The following PTPN4 variants were observed in gnomAD, a reference collection of about 807,000 sequenced individuals.
PTPN4 encodes protein tyrosine phosphatase non-receptor type 4.
In PTPN4, 49 loss-of-function variants were observed where a neutral mutation model predicts 135.5. The observed-to-expected ratio is 0.36, with a 90% CI of 0.29 to 0.46. The LOEUF (loss-of-function observed/expected upper bound fraction) is 0.46, where lower values mean the gene tolerates loss of function less well. PTPN4 is among the 20% of genes least tolerant of loss of function. The pLI is 1.00. For missense variants in PTPN4, 860 were observed against 1,101.0 expected (o/e 0.78, Z 3.10); for synonymous variants, 333 against 369.9 (o/e 0.90, Z 1.14).
At chr2:119,964,345 G>A (rs566234495) in intron 24 of PTPN4, among the ~76,000 whole-genome samples, 49 of 152,270 alleles carry the variant, frequency 3.2e-4, no homozygotes, top group African/African-American at 1.1e-3. Context: ...GAACCAAGAT[G>A]TATCTAAACG....
intron 2 of PTPN4, among the ~76,000 whole-genome samples, chr2:119,856,966 C>A (rs570345030): frequency 1.3e-5 from 2 of 152,042 alleles, no homozygotes; most frequent in East Asian, 3.9e-4. Flanking sequence ...GAGGTAGACA[C>A]GGCAAAAAGT....
chr2:119,962,506 C>A (rs944509507), intron 23 of PTPN4, 110 bp from the exon 24 acceptor site: 3 of 604,990 alleles, frequency 5.0e-6, no homozygotes, highest in Middle Eastern at 6.2e-4. Context: ...TTAAATTTTT[C>A]TTGTAACTTT....
At position 119,759,930 on chromosome 2, in the gene PTPN4, C is replaced by A; in HGVS notation, c.-472C>A. ...ACACACAAACGCTGCCCAGGATTACCCGCCAGCTCACGCCGCGCAGTGCGC... is the reference window on the plus strand; with the variant it reads ...ACACACAAACGCTGCCCAGGATTACACGCCAGCTCACGCCGCGCAGTGCGC... On this transcript the variant is annotated 5_prime_UTR_variant, in exon 1 of 27. Transcript: ENST00000263708. 5.6e-6 allele frequency: 2 copies of A among 355,312 alleles called. No homozygotes were observed. Among genetic ancestry groups the A allele is most frequent in the Non-Finnish European group, 1.0e-5 (2 of 198,816 alleles). The allele number at this position is 355,312 out of a possible 1,614,324, so 22.0% of individuals were successfully genotyped here. A position where few individuals can be genotyped will look rare whatever the true frequency, so the allele number is the denominator to read the frequency against.
intron 26 of PTPN4, among the ~76,000 whole-genome samples, chr2:119,975,216 T>C (rs763262569): frequency 1.3e-5 from 2 of 152,154 alleles, no homozygotes; most frequent in South Asian, 4.1e-4. Flanking sequence ...GGCTCAAATG[T>C]TCCTCCCATC....
intron 2 of PTPN4, among the ~76,000 whole-genome samples, chr2:119,837,650 G>T (rs1258638951): frequency 1.3e-5 from 2 of 152,256 alleles, no homozygotes; most frequent in South Asian, 4.1e-4. Flanking sequence ...GCAACGAGAA[G>T]GAGAGAAGAG....
intron 15 of PTPN4, among the ~76,000 whole-genome samples, chr2:119,938,502 C>T (rs1462850139): frequency 1.3e-5 from 2 of 152,006 alleles, no homozygotes; most frequent in Non-Finnish European, 2.9e-5. Flanking sequence ...TCCTTTAGTA[C>T]ATTTTAGGCA....
intron 2 of PTPN4, among the ~76,000 whole-genome samples, chr2:119,844,437 A>G (rs1360948600): frequency 3.3e-5 from 4 of 121,376 alleles, no homozygotes; most frequent in African/African-American, 6.4e-5. Flanking sequence ...CTGGGCGGAG[A>G]GGCTCCTCAC....
intron 12 of PTPN4, among the ~76,000 whole-genome samples, chr2:119,924,470 T>C (rs966242458): frequency 6.6e-6 from 1 of 150,592 alleles, no homozygotes; most frequent in Non-Finnish European, 1.5e-5. Context: ...GGACTGTGGG[T>C]AAAAACAATT....
At chr2:119,838,359 A>C (rs574881240) in intron 2 of PTPN4, among the ~76,000 whole-genome samples, 1 of 152,028 alleles carries the variant, frequency 6.6e-6, no homozygotes, top group South Asian at 2.1e-4. Context: ...GCCGCCAGCC[A>C]CCGAGGTTTC....
chr2:119,765,076 G>A (rs1690586326), intron 1 of PTPN4, among the ~76,000 whole-genome samples: 1 of 152,146 alleles, frequency 6.6e-6, no homozygotes, highest in Admixed American at 6.5e-5. Context: ...AGCGTCAAAA[G>A]CCTTGGGCAA....
intron 1 of PTPN4, among the ~76,000 whole-genome samples, chr2:119,798,665 T>C (rs1490662935): frequency 6.6e-6 from 1 of 152,230 alleles, no homozygotes; most frequent in African/African-American, 2.4e-5. Context: ...ATATATTTGA[T>C]ACCTTGGTAA....
At chr2:119,961,231 G>A (rs199867972) in intron 23 of PTPN4, among the ~76,000 whole-genome samples, 1 of 36,390 alleles carries the variant, frequency 2.7e-5, no homozygotes, top group South Asian at 8.9e-4. Flanking sequence ...GAACTCTACA[G>A]TAAAATAAAT....
At chr2:119,933,309 G>A (rs564682781) in intron 14 of PTPN4, among the ~76,000 whole-genome samples, 154 of 152,208 alleles carry the variant, frequency 1.0e-3, no homozygotes, top group African/African-American at 3.5e-3. Context: ...TTGAATTTTG[G>A]TATGAAATAT....
At chr2:119,888,511 G>A (rs1012069320) in intron 9 of PTPN4, among the ~76,000 whole-genome samples, 2 of 151,910 alleles carry the variant, frequency 1.3e-5, no homozygotes, top group African/African-American at 4.8e-5. Context: ...TTATTTTGAG[G>A]TATGTTCCTT....
intron 2 of PTPN4, among the ~76,000 whole-genome samples, chr2:119,844,113 C>A: frequency 1.5e-5 from 1 of 67,808 alleles, no homozygotes; most frequent in Non-Finnish European, 3.0e-5. Context: ...CTGACCCCCC[C>A]ACCTCCCTCC....
At chr2:119,825,397 G>C (rs1403866638) in intron 2 of PTPN4, among the ~76,000 whole-genome samples, 22 of 151,544 alleles carry the variant, frequency 1.5e-4, no homozygotes, top group Admixed American at 1.4e-3. Flanking sequence ...TGGTGGGGCA[G>C]TTACCTCTTT....
At chr2:119,905,952 C>T (rs1415391274) in intron 10 of PTPN4, among the ~76,000 whole-genome samples, 3 of 152,046 alleles carry the variant, frequency 2.0e-5, no homozygotes, top group Non-Finnish European at 4.4e-5. Context: ...TGAGATACAG[C>T]AATAGCATTG....
chr2:119,768,858 AAGG>A (rs1314992856), intron 1 of PTPN4, among the ~76,000 whole-genome samples: 2 of 152,188 alleles, frequency 1.3e-5, no homozygotes, highest in African/African-American at 4.8e-5. Context: ...CCAGTTTTAA[AAGG>A]AGAACAGAGC....
intron 1 of PTPN4, among the ~76,000 whole-genome samples, chr2:119,795,687 G>A (rs1345216733): frequency 1.3e-5 from 2 of 152,246 alleles, no homozygotes; most frequent in African/African-American, 4.8e-5. Flanking sequence ...AGAGATGCCT[G>A]GGTCCACAAC....
Sources: gnomAD v4.1 joint callset for allele counts (sites outside exome capture counted in the v4.1 genomes callset) on GRCh38, gnomAD v4.1.1 for gene constraint, MANE v1.5 for transcripts, NCBI Gene and HGNC (gene_info 2026-07-23, HGNC 2026-07-21) for gene names.